LARP1B: variants seen among roughly 807,000 people sequenced by gnomAD.
The protein encoded by LARP1B is la-related protein 1B.
A neutral mutation model predicts 114.2 loss-of-function variants in LARP1B; 76 were observed. The ratio of observed to expected loss-of-function variants is 0.67; its 90% CI spans 0.55 to 0.81. The LOEUF (loss-of-function observed/expected upper bound fraction) is 0.81. Ranked by LOEUF, LARP1B falls within the 30% of genes least tolerant of loss-of-function variation. The pLI is 0.00. For synonymous variants in LARP1B, 345 were observed against 348.0 expected (o/e 0.99, Z 0.10); for missense variants, 1,014 against 1,075.8 (o/e 0.94, Z 0.80).
At chr4:128,197,880 C>CTTTTTTTTTTTT (rs35888649) in intron 15 of LARP1B, among the ~76,000 whole-genome samples, 2 of 86,988 alleles carry the variant, frequency 2.3e-5, no homozygotes, top group African/African-American at 4.2e-5. Context: ...ACGATTGTAG[C>CTTTTTTTTTTTT]TTTTTTTTTT....
At chr4:128,201,354 T>C (rs938264409) in intron 17 of LARP1B, among the ~76,000 whole-genome samples, 8 of 152,256 alleles carry the variant, frequency 5.3e-5, no homozygotes, top group Middle Eastern at 3.4e-3. Context: ...ACAAAACTTT[T>C]CTCTCCCATG....
chr4:128,098,068 T>G (rs868809627), intron 7 of LARP1B, 118 bp from the exon 8 acceptor site: 6 of 787,600 alleles, frequency 7.6e-6, no homozygotes, highest in African/African-American at 5.2e-5. Flanking sequence ...CTATACATAT[T>G]GTTAACCAAA....
Position 128,091,421 on chromosome 4 carries a change from A to G in LARP1B, c.577A>G (p.Thr193Ala). ...TCAACCATTTCAAACAGAACTTAAT[A>G]CCAGTATGATGTATTACTATGATGA... Reference protein sequence around the residue: ...TDQPFQTELNTSMMYYYDDGT... With the variant: ...TDQPFQTELNASMMYYYDDGT... Residue 193 changes from threonine to alanine, a missense_variant, in exon 7 of 20, where the codon ACC becomes GCC. By Grantham distance (58) the Thr-to-Ala change is moderately conservative. Coordinates refer to ENST00000326639, the MANE Select transcript of LARP1B (RefSeq NM_018078.4). 1.2e-6 allele frequency: 2 copies of G among 1,611,590 alleles called. No homozygotes were observed. The highest frequency in any genetic ancestry group is 1.7e-6 in the Non-Finnish European group (2 of 1,177,778).
At chr4:128,193,666 G>A (rs779398883) in intron 15 of LARP1B, among the ~76,000 whole-genome samples, 6 of 151,746 alleles carry the variant, frequency 4.0e-5, no homozygotes. Flanking sequence ...GCCCAGGTTG[G>A]AGTGCAATGG....
At chr4:128,105,501 C>T (rs1781771187) in intron 8 of LARP1B, among the ~76,000 whole-genome samples, 1 of 152,212 alleles carries the variant, frequency 6.6e-6, no homozygotes, top group African/African-American at 2.4e-5. Flanking sequence ...CTAAAGCTTT[C>T]ACCATAGGAT....
chr4:128,119,397 A>G (rs1004330211), intron 10 of LARP1B, among the ~76,000 whole-genome samples: 2 of 152,206 alleles, frequency 1.3e-5, no homozygotes, highest in African/African-American at 4.8e-5. Flanking sequence ...GAATAATGCT[A>G]GGATGTGTTC....
intron 11 of LARP1B, among the ~76,000 whole-genome samples, chr4:128,159,017 TAA>T (rs111692263): frequency 6.8e-6 from 1 of 146,678 alleles, no homozygotes; most frequent in Non-Finnish European, 1.5e-5. Context: ...AAAAAAAAAT[TAA>T]AAAAAAAAAT....
intron 11 of LARP1B, among the ~76,000 whole-genome samples, chr4:128,140,837 G>GTTTTTTTTTTTT (rs1727727755): frequency 2.2e-5 from 3 of 135,062 alleles, no homozygotes; most frequent in African/African-American, 5.3e-5. Flanking sequence ...TTTTTTTTTG[G>GTTTTTTTTTTTT]CAGAGTCTTG....
intron 11 of LARP1B, chr4:128,155,689 A>G (rs996043746): frequency 6.8e-6 from 11 of 1,605,950 alleles, no homozygotes; most frequent in Middle Eastern, 1.7e-4. Flanking sequence ...TGAACAGATC[A>G]GCCCGGAGGA....
At chr4:128,182,055 G>A (rs1748649144) in intron 15 of LARP1B, among the ~76,000 whole-genome samples, 1 of 147,764 alleles carries the variant, frequency 6.8e-6, no homozygotes, top group African/African-American at 2.5e-5. Flanking sequence ...CTCGTGATCT[G>A]CCCGCCTTGG....
intron 12 of LARP1B, among the ~76,000 whole-genome samples, chr4:128,170,872 C>CTTTTTTTTTTTTTTTTTGTTTTTTTTTT (rs1743319808): frequency 1.1e-5 from 1 of 95,016 alleles, no homozygotes; most frequent in Non-Finnish European, 2.2e-5. Context: ...TTTTTCTTTT[C>CTTTTTTTTTTTTTTTTTGTTTTTTTTTT]TTTTTTTTTT....
At chr4:128,135,213 CAG>C (rs1215857944) in intron 11 of LARP1B, among the ~76,000 whole-genome samples, 1 of 151,818 alleles carries the variant, frequency 6.6e-6, no homozygotes, top group Non-Finnish European at 1.5e-5. Flanking sequence ...ATAAAAAAAT[CAG>C]AGGATTATCA....
At chr4:128,104,707 A>G (rs1249462561) in intron 8 of LARP1B, among the ~76,000 whole-genome samples, 1 of 152,240 alleles carries the variant, frequency 6.6e-6, no homozygotes, top group East Asian at 1.9e-4. Context: ...CGGCCTCCCA[A>G]AGTGCTGGGA....
At chr4:128,191,787 T>A (rs1298842631) in intron 15 of LARP1B, among the ~76,000 whole-genome samples, 1 of 152,110 alleles carries the variant, frequency 6.6e-6, no homozygotes, top group Non-Finnish European at 1.5e-5. Context: ...ATATTATACT[T>A]CTTATGGGTT....
At chr4:128,221,286 T>A (rs1760010144) in intron 7 of LARP1B, among the ~76,000 whole-genome samples, 1 of 152,192 alleles carries the variant, frequency 6.6e-6, no homozygotes, top group Non-Finnish European at 1.5e-5. Context: ...TTATTTAGAA[T>A]TTGCTTAGAA....
At chr4:128,061,536 C>G in intron 1 of LARP1B, 135 bp downstream of exon 1, 1 of 309,020 alleles carries the variant, frequency 3.2e-6, no homozygotes, top group Non-Finnish European at 4.7e-6. Flanking sequence ...CCGGGCGCTG[C>G]GCGGCCTCGG....
intron 10 of LARP1B, among the ~76,000 whole-genome samples, chr4:128,121,403 C>G (rs897678653): frequency 6.6e-6 from 1 of 151,276 alleles, no homozygotes; most frequent in African/African-American, 2.4e-5. Context: ...CTGCAACCTC[C>G]CTGCCTCCCA....
At chr4:128,124,991 T>G (rs932882925) in intron 11 of LARP1B, among the ~76,000 whole-genome samples, 1 of 152,212 alleles carries the variant, frequency 6.6e-6, no homozygotes, top group Non-Finnish European at 1.5e-5. Context: ...CCAGAAGCTA[T>G]GTTGAACTGG....
At chr4:128,070,447 G>A (rs1764796471) in intron 1 of LARP1B, among the ~76,000 whole-genome samples, 1 of 152,040 alleles carries the variant, frequency 6.6e-6, no homozygotes, top group Non-Finnish European at 1.5e-5. Flanking sequence ...GATCACCTGA[G>A]GTCAGGAGTT....
Sources: gnomAD v4.1 joint callset for allele counts (sites outside exome capture counted in the v4.1 genomes callset) on GRCh38, gnomAD v4.1.1 for gene constraint, MANE v1.5 for transcripts, NCBI Gene and HGNC (gene_info 2026-07-23, HGNC 2026-07-21) for gene names.